GREM1: variants seen among roughly 807,000 people sequenced by gnomAD.
GREM1 encodes gremlin-1.
GREM1 carries 6 observed loss-of-function variants against 13.1 expected under a neutral mutation model. That is an observed-to-expected ratio of 0.46 (90% CI 0.25 to 0.91). GREM1 has a LOEUF of 0.91. Among genes scored for constraint, GREM1 ranks in the 40% least tolerant of loss-of-function variants. GREM1 has a pLI of 0.18. For synonymous variants in GREM1, 98 were observed against 93.7 expected (o/e 1.05, Z -0.27); for missense variants, 185 against 233.9 (o/e 0.79, Z 1.36).
At position 32,718,304 on chromosome 15, in the gene GREM1, A is replaced by G. The variant is rs529343553; in HGVS notation, c.-2+143A>G. On this transcript the variant is annotated intron_variant, in intron 1 of 1. Coordinates refer to ENST00000651154, the MANE Select transcript of GREM1 (RefSeq NM_013372.7). Reference sequence around the variant, plus strand: ...CGTTGTTCGCGGGGGTGAATTGTGAAGAACCATCGCGGGGTCCTTCCTGCT... The same window carrying G: ...CGTTGTTCGCGGGGGTGAATTGTGAGGAACCATCGCGGGGTCCTTCCTGCT... 253 of 622,412 alleles carry G rather than the reference A, an allele frequency of 4.1e-4. 1 individual carries two copies. In the African/African-American group the frequency reaches 4.5e-3, roughly 11 times the overall value. 38.6% of individuals were successfully genotyped at this position (622,412 alleles called of 1,614,324 possible).
At position 32,732,415 on chromosome 15, in the gene GREM1, G is replaced by GTTAACA; in HGVS notation, c.*1170_*1171insTTAACA. ...CAGTAGTCTAAGATGAGAGAGTTTA[G>GTTAACA]GGACTACTCTGTTTTAGCAAGAGAT... On this transcript the variant is annotated 3_prime_UTR_variant, in exon 2 of 2. Transcript: ENST00000651154. 1 of 244,964 alleles carries GTTAACA rather than the reference G, an allele frequency of 4.1e-6. No individual in the cohort carries two copies. The highest frequency in any genetic ancestry group is 6.2e-5 in the East Asian group (1 of 16,168). 15.2% of individuals were successfully genotyped at this position (244,964 alleles called of 1,614,324 possible).
At chr15:32,727,339 C>T (rs1370807480) in intron 1 of GREM1, among the ~76,000 whole-genome samples, 2 of 152,178 alleles carry the variant, frequency 1.3e-5, no homozygotes, top group African/African-American at 4.8e-5. Context: ...GCTGGTTCAA[C>T]ATACGCAAAT....
Position 32,731,107 on chromosome 15 carries a change from G to A in GREM1, c.417G>A (p.Gln139=), listed in dbSNP as rs794727286. The A allele has an allele frequency of 1.2e-6, 2 of 1,614,172 alleles. No individual in the cohort carries two copies. Among genetic ancestry groups the A allele is most frequent in the African/African-American group, 2.7e-5 (2 of 75,050 alleles). The change falls in exon 2 of 2, where the codon CAG becomes CAA. Residue 139 remains glutamine (Q), a synonymous_variant. Coordinates refer to ENST00000651154, the MANE Select transcript of GREM1 (RefSeq NM_013372.7). ...TCCGGAAGGAGGAAGGTTCCTTTCA[G>A]TCCTGCTCCTTCTGCAAGCCCAAGA... is the stretch of plus-strand genomic sequence containing the variant. ...RHIRKEEGSF[Q]SCSFCKPKKF...
chr15:32,719,987 A>G (rs1220791547), intron 1 of GREM1, among the ~76,000 whole-genome samples: 1 of 152,144 alleles, frequency 6.6e-6, no homozygotes, highest in African/African-American at 2.4e-5. Flanking sequence ...ACAGTAGGTG[A>G]TTTGATTACT....
chr15:32,731,707 T>C lies in GREM1; in HGVS notation c.*462T>C, dbSNP rs2055622468. On this transcript the variant is annotated 3_prime_UTR_variant, in exon 2 of 2. Transcript: ENST00000651154. ...GTCCTTTTAACCTGTGCTTGCATCC[T>C]CCTTTCCTCCTCCTCCTCACAATCC... 1 of 252,290 alleles carries C rather than the reference T, an allele frequency of 4.0e-6. No homozygotes were observed. Among genetic ancestry groups the C allele is most frequent in the Non-Finnish European group, 8.2e-6 (1 of 121,466 alleles). The allele number at this position is 252,290 out of a possible 1,614,324, so 15.6% of individuals were successfully genotyped here. A position where few individuals can be genotyped will look rare whatever the true frequency, so the allele number is the denominator to read the frequency against.
chr15:32,723,258 A>G (rs1374948534), intron 1 of GREM1, among the ~76,000 whole-genome samples: 2 of 152,212 alleles, frequency 1.3e-5, no homozygotes. Flanking sequence ...TGGGATTTCA[A>G]GTGCACATCA....
At position 32,739,220 on chromosome 15, in the gene GREM1, C is replaced by T. The variant is rs1172226321; in HGVS notation, c.*7975C>T. On this transcript the variant is annotated 3_prime_UTR_variant, in exon 2 of 2. Transcript: ENST00000651154. Reference sequence around the variant, plus strand: ...TGTAAGGCAAATACCCCTGTAATTACCATTAGGGGAAGAAATTTTTCCATG... The same window carrying T: ...TGTAAGGCAAATACCCCTGTAATTATCATTAGGGGAAGAAATTTTTCCATG... 2.6e-5 allele frequency: 4 copies of T among 152,196 alleles called. No individual in the cohort carries two copies. The highest frequency in any genetic ancestry group is 2.6e-4 in the Admixed American group (4 of 15,286). 9.4% of individuals were successfully genotyped at this position (152,196 alleles called of 1,614,324 possible).
intron 1 of GREM1, 44 bp downstream of exon 1, chr15:32,718,205 A>C: frequency 8.3e-6 from 11 of 1,328,792 alleles, no homozygotes; most frequent in Non-Finnish European, 1.1e-5. Flanking sequence ...GGGCGGAGGG[A>C]AGAGGGCCGC....
At position 32,732,741 on chromosome 15, in the gene GREM1, C is replaced by T; in HGVS notation, c.*1496C>T. On this transcript the variant is annotated 3_prime_UTR_variant, in exon 2 of 2. Transcript: ENST00000651154. ...GGCACTGTCCTCTGATTAAACTTGG[C>T]CTACTGGCAATGGCTACTTAGGATT... The T allele has an allele frequency of 4.3e-6, 1 of 233,752 alleles. No individual in the cohort carries two copies. The highest frequency in any genetic ancestry group is 9.2e-6 in the Non-Finnish European group (1 of 109,194). The allele number at this position is 233,752 out of a possible 1,614,324, so 14.5% of individuals were successfully genotyped here.
At chr15:32,724,893 G>A (rs2055473600) in intron 1 of GREM1, among the ~76,000 whole-genome samples, 1 of 151,908 alleles carries the variant, frequency 6.6e-6, no homozygotes, top group African/African-American at 2.4e-5. Flanking sequence ...GCGGTGTTTG[G>A]TTTTCTGTTC....
In GREM1 at chr15:32,744,648, CTT is replaced by C. The variant is rs1167334798; in HGVS notation, c.*13404_*13405del. On this transcript the variant is annotated 3_prime_UTR_variant, in exon 2 of 2. Coordinates refer to ENST00000651154, the MANE Select transcript of GREM1 (RefSeq NM_013372.7). ...AATCTAGTGAATTCATAAATCGTCA[CTT>C]AACTCAAGCAAAACAATGTTACTCT... is the stretch of plus-strand genomic sequence containing the variant. 6.6e-6 allele frequency: 1 copy of C among 151,332 alleles called. No individual in the cohort carries two copies. Among genetic ancestry groups the C allele is most frequent in the Non-Finnish European group, 1.5e-5 (1 of 67,870 alleles). The allele number at this position is 151,332 out of a possible 1,614,324, so 9.4% of individuals were successfully genotyped here. A position where few individuals can be genotyped will look rare whatever the true frequency, so the allele number is the denominator to read the frequency against.
Position 32,738,116 on chromosome 15 carries a change from A to G in GREM1, c.*6871A>G, listed in dbSNP as rs1277980088. On this transcript the variant is annotated 3_prime_UTR_variant, in exon 2 of 2. Coordinates refer to ENST00000651154, the MANE Select transcript of GREM1 (RefSeq NM_013372.7). ...AAAAAAAAAAAAAAAAAAAAAAAAA[A>G]AAAAAAAAAAAAAAAAAGAAAAGAA... The G allele has an allele frequency of 1.8e-3, 223 of 125,704 alleles. 17 individuals are homozygous for G. Among genetic ancestry groups the G allele is most frequent in the African/African-American group, 2.4e-3 (73 of 30,730 alleles). 7.8% of individuals were successfully genotyped at this position (125,704 alleles called of 1,614,324 possible). A position where few individuals can be genotyped will look rare whatever the true frequency, so the allele number is the denominator to read the frequency against.
chr15:32,723,643 CCTGT>C (rs1254886315), intron 1 of GREM1, among the ~76,000 whole-genome samples: 1 of 148,136 alleles, frequency 6.8e-6, no homozygotes. Context: ...AAAAAAAAAG[CCTGT>C]CTGTCACTCT....
At chr15:32,726,272 C>CATA (rs2055502487) in intron 1 of GREM1, among the ~76,000 whole-genome samples, 4 of 151,952 alleles carry the variant, frequency 2.6e-5, no homozygotes, top group African/African-American at 9.7e-5. Flanking sequence ...TCAGCAAATG[C>CATA]AAAAAACAGA....
Position 32,731,525 on chromosome 15 carries a change from C to A in GREM1, c.*280C>A. The A allele has an allele frequency of 4.2e-6, 2 of 481,362 alleles. No individual in the cohort carries two copies. The highest frequency in any genetic ancestry group is 3.8e-6 in the Non-Finnish European group (1 of 263,854). The allele number at this position is 481,362 out of a possible 1,614,324, so 29.8% of individuals were successfully genotyped here. ...GGATGTACCAGAAACCCACCTCACC[C>A]CGGCTCACATCTAAAGGGGCGGGGC... On this transcript the variant is annotated 3_prime_UTR_variant, in exon 2 of 2. Coordinates refer to ENST00000651154, the MANE Select transcript of GREM1 (RefSeq NM_013372.7).
chr15:32,718,903 C>T lies in GREM1; in HGVS notation c.-2+742C>T, dbSNP rs2055351932. ...GGCGCTCGCTTCTCTACTCCAGCCTCTTCCCCGCCCCGCGCACGCCCGGGC... is the reference window on the plus strand; with the variant it reads ...GGCGCTCGCTTCTCTACTCCAGCCTTTTCCCCGCCCCGCGCACGCCCGGGC... On this transcript the variant is annotated intron_variant, in intron 1 of 1. Coordinates refer to ENST00000651154, the MANE Select transcript of GREM1 (RefSeq NM_013372.7). 2 of 191,480 alleles carry T rather than the reference C, an allele frequency of 1.0e-5. 1 individual carries two copies. The highest frequency in any genetic ancestry group is 4.8e-5 in the African/African-American group (2 of 41,826). The allele number at this position is 191,480 out of a possible 1,614,324, so 11.9% of individuals were successfully genotyped here.
rs1459689607 is a variant in GREM1, at chr15:32,732,277, C to T, written c.*1032C>T. 8.4e-6 allele frequency: 2 copies of T among 237,416 alleles called. No individual in the cohort carries two copies. Among genetic ancestry groups the T allele is most frequent in the Admixed American group, 1.1e-4 (2 of 17,416 alleles). 14.7% of individuals were successfully genotyped at this position (237,416 alleles called of 1,614,324 possible). On this transcript the variant is annotated 3_prime_UTR_variant, in exon 2 of 2. Coordinates refer to ENST00000651154, the MANE Select transcript of GREM1 (RefSeq NM_013372.7). ...CCTCAGAGGCTGAAATTCCTAATAC[C>T]TTTCCTTTATCGTGGTTATAGTCAG...
In GREM1 at chr15:32,737,368, C is replaced by G. The variant is rs1361109809; in HGVS notation, c.*6123C>G. On this transcript the variant is annotated 3_prime_UTR_variant, in exon 2 of 2. Coordinates refer to ENST00000651154, the MANE Select transcript of GREM1 (RefSeq NM_013372.7). The stretch of plus-strand genomic sequence containing the variant: ...TTTTAAGTGTAAATGCAAAAAAATT[C>G]AACAAAATGCTAGATAACTGGGTCC... The G allele has an allele frequency of 6.6e-6, 1 of 152,038 alleles. No homozygotes were observed. The highest frequency in any genetic ancestry group is 1.5e-5 in the Non-Finnish European group (1 of 68,002). 9.4% of individuals were successfully genotyped at this position (152,038 alleles called of 1,614,324 possible). A position where few individuals can be genotyped will look rare whatever the true frequency, so the allele number is the denominator to read the frequency against.
In GREM1 at chr15:32,737,982, G is replaced by A. The variant is rs1595857110; in HGVS notation, c.*6737G>A. ...CCCACAGCTAACATCATACTTAAAG[G>A]TGAAAGACTGAAAGCTTTCCCCCAA... On this transcript the variant is annotated 3_prime_UTR_variant, in exon 2 of 2. Coordinates refer to ENST00000651154, the MANE Select transcript of GREM1 (RefSeq NM_013372.7). 7.5e-6 allele frequency: 1 copy of A among 133,486 alleles called. No individual in the cohort carries two copies. Among genetic ancestry groups the A allele is most frequent in the African/African-American group, 2.7e-5 (1 of 36,504 alleles). The allele number at this position is 133,486 out of a possible 1,614,324, so 8.3% of individuals were successfully genotyped here. A position where few individuals can be genotyped will look rare whatever the true frequency, so the allele number is the denominator to read the frequency against.
Sources: gnomAD v4.1 joint callset for allele counts (sites outside exome capture counted in the v4.1 genomes callset) on GRCh38, gnomAD v4.1.1 for gene constraint, MANE v1.5 for transcripts, NCBI Gene and HGNC (gene_info 2026-07-23, HGNC 2026-07-21) for gene names.